The following DNAAF5 variants were observed in gnomAD, a reference collection of about 807,000 sequenced individuals.
DNAAF5 encodes the protein dynein axonemal assembly factor 5.
In DNAAF5, 64 loss-of-function variants were observed where a neutral mutation model predicts 75.8. The observed-to-expected ratio is 0.84, with a 90% CI of 0.69 to 1.04. The LOEUF (loss-of-function observed/expected upper bound fraction) is 1.04. Among genes scored for constraint, DNAAF5 ranks in the 50% least tolerant of loss-of-function variants. The pLI is 0.00. For missense variants in DNAAF5, 1,269 were observed against 1,178.5 expected, an observed-to-expected ratio of 1.08 and a Z score of -1.12; for synonymous variants, 657 against 557.2, an observed-to-expected ratio of 1.18 and a Z score of -2.52.
At position 770,602 on chromosome 7, in the gene DNAAF5, A is replaced by C. The variant is rs773958816; in HGVS notation, c.1915A>C (p.Thr639Pro). The change falls in exon 9 of 13, where the codon ACC becomes CCC. Residue 639 changes from threonine (T) to proline (P), a missense_variant. Transcript: ENST00000297440. Reference sequence around the variant, plus strand: ...CACCGTGCTGCTCAGAGCCACGGACACCATCAACTCCCAGGGGTAGGTCCG... The same window carrying C: ...CACCGTGCTGCTCAGAGCCACGGACCCCATCAACTCCCAGGGGTAGGTCCG... ...LSTVLLRATD[T>P]INSQGQFPSY... The C allele has an allele frequency of 6.2e-7, 1 of 1,613,642 alleles. No individual in the cohort carries two copies. The highest frequency in any genetic ancestry group is 1.7e-5 in the Admixed American group (1 of 60,026).
At chr7:732,907 TTTGAGGTCTTAGA>T (rs1256069321) in intron 2 of DNAAF5, among the ~76,000 whole-genome samples, 1 of 152,204 alleles carries the variant, frequency 6.6e-6, no homozygotes, top group African/African-American at 2.4e-5. Context: ...GGTTTCATAG[TTTGAGGTCTTAGA>T]TTGAGGTCTT....
chr7:765,516 C>T (rs1782792795), intron 8 of DNAAF5, among the ~76,000 whole-genome samples: 1 of 152,192 alleles, frequency 6.6e-6, no homozygotes, highest in Non-Finnish European at 1.5e-5. Flanking sequence ...TTTACTGCAG[C>T]TCTGGTGGCT....
chr7:762,030 C>T (rs542350222), intron 7 of DNAAF5, 134 bp downstream of exon 7: 9 of 198,884 alleles, frequency 4.5e-5, no homozygotes, highest in South Asian at 1.5e-4. Context: ...GAGAACCTTG[C>T]GGGTGAGTCC....
At chr7:751,205 A>T (rs568855895) in intron 4 of DNAAF5, among the ~76,000 whole-genome samples, 161 of 152,308 alleles carry the variant, frequency 1.1e-3, no homozygotes, top group Middle Eastern at 3.4e-3. Flanking sequence ...TTTTTACAAA[A>T]TGATGACAGG....
At chr7:779,698 C>T (rs540079140) in intron 11 of DNAAF5, among the ~76,000 whole-genome samples, 42 of 152,310 alleles carry the variant, frequency 2.8e-4, no homozygotes, top group African/African-American at 9.6e-4. Flanking sequence ...GGCTCTGCGC[C>T]TGCAGGACAG....
At chr7:740,982 C>T (rs374059981) in intron 3 of DNAAF5, 39 bp downstream of exon 3, 23 of 1,604,914 alleles carry the variant, frequency 1.4e-5, no homozygotes, top group African/African-American at 1.3e-4. Flanking sequence ...TCTTCCTAAA[C>T]GGTCATGTGT....
At chr7:735,189 G>A (rs982151452) in intron 2 of DNAAF5, among the ~76,000 whole-genome samples, 5 of 151,442 alleles carry the variant, frequency 3.3e-5, no homozygotes, top group Admixed American at 3.3e-4. Context: ...TGGTGTAGCT[G>A]CTCACGGTGT....
chr7:782,079 G>T (rs1258284613), intron 12 of DNAAF5, among the ~76,000 whole-genome samples: 1 of 152,194 alleles, frequency 6.6e-6, no homozygotes. Flanking sequence ...GTTTCCCGGC[G>T]TGGCTACATC....
intron 2 of DNAAF5, among the ~76,000 whole-genome samples, chr7:739,773 CCGGCA>C (rs1387774705): frequency 1.8e-4 from 27 of 152,190 alleles, no homozygotes; most frequent in Admixed American, 8.5e-4. Flanking sequence ...GGGTCCCAGG[CCGGCA>C]GGGGCGGATC....
At chr7:767,562 C>T (rs1267744818) in intron 8 of DNAAF5, among the ~76,000 whole-genome samples, 2 of 152,254 alleles carry the variant, frequency 1.3e-5, no homozygotes, top group Admixed American at 6.5e-5. Flanking sequence ...AAGAAATGCT[C>T]TGGCAACCAT....
In DNAAF5 at chr7:727,152, G is replaced by A; in HGVS notation, c.432G>A (p.Ala144=). 1.6e-6 allele frequency: 2 copies of A among 1,273,120 alleles called. No individual in the cohort carries two copies. Among genetic ancestry groups the A allele is most frequent in the Non-Finnish European group, 9.9e-7 (1 of 1,006,248 alleles). 78.9% of individuals were successfully genotyped at this position (1,273,120 alleles called of 1,614,324 possible). A position where few individuals can be genotyped will look rare whatever the true frequency, so the allele number is the denominator to read the frequency against. Residue 144 remains alanine (A), a synonymous_variant, in exon 1 of 13, where the codon GCG becomes GCA. Coordinates refer to ENST00000297440, the MANE Select transcript of DNAAF5 (RefSeq NM_017802.4). ...AGGCCTGTGAGGAGCTGCGCCTGGC[G>A]CTTGTGCAGCTGCTGGGCCTGGCCG... is the stretch of plus-strand genomic sequence containing the variant. The part of the protein sequence containing the change: ...PPEACEELRL[A]LVQLLGLAVD...
At chr7:736,585 A>G (rs1781746444) in intron 2 of DNAAF5, among the ~76,000 whole-genome samples, 1 of 152,036 alleles carries the variant, frequency 6.6e-6, no homozygotes, top group Non-Finnish European at 1.5e-5. Context: ...TTTTCAGCCT[A>G]CGTGTGCCTT....
rs530094297 is a variant in DNAAF5, at chr7:743,063, C to A, written c.1024+1598C>A. Among the ~76,000 whole-genome samples, 342 of 152,328 alleles carry A rather than the reference C, an allele frequency of 2.2e-3. 2 individuals carry two copies. The highest frequency in any genetic ancestry group is 7.7e-3 in the African/African-American group (321 of 41,570). On this transcript the variant is annotated intron_variant, in intron 4 of 12. Coordinates refer to ENST00000297440, the MANE Select transcript of DNAAF5 (RefSeq NM_017802.4). ...GGAGGGAAATGTATTCCGTCAAATA[C>A]AGCATTAAAGTAGCTTCTTGGCCGG... is the stretch of plus-strand genomic sequence containing the variant.
chr7:734,165 C>G (rs73049879), intron 2 of DNAAF5, among the ~76,000 whole-genome samples: 1 of 152,132 alleles, frequency 6.6e-6, no homozygotes, highest in East Asian at 1.9e-4. Flanking sequence ...AAGCGAGCAT[C>G]CTTGTCTTGC....
At chr7:752,905 T>C (rs149319591) in intron 4 of DNAAF5, among the ~76,000 whole-genome samples, 1 of 152,212 alleles carries the variant, frequency 6.6e-6, no homozygotes, top group Non-Finnish European at 1.5e-5. Flanking sequence ...AGAAAACAAT[T>C]TGGAAAGACC....
At chr7:773,882 A>G (rs561967637) in intron 9 of DNAAF5, among the ~76,000 whole-genome samples, 166 bp from the exon 10 acceptor site, 6 of 152,240 alleles carry the variant, frequency 3.9e-5, no homozygotes, top group East Asian at 3.9e-4. Flanking sequence ...GAACCTCCCA[A>G]TTCGCACTGA....
At chr7:757,653 A>G (rs529528731) in intron 6 of DNAAF5, among the ~76,000 whole-genome samples, 1 of 152,392 alleles carries the variant, frequency 6.6e-6, no homozygotes, top group Non-Finnish European at 1.5e-5. Flanking sequence ...ATTGTTTGGA[A>G]TAATCCATAG....
rs766158599 is a variant in DNAAF5, at chr7:729,802, C to T, written c.735C>T (p.Asp245=). ...TTGGCAACGGGAAGTCCGTGGACGA[C>T]GTGCTTTCCCATTTTGCTCAGCGAC... ...IHFGNGKSVD[D]VLSHFAQRLF... is the part of the protein sequence containing the mutation. Residue 245 remains aspartate (D), a synonymous_variant, in exon 2 of 13, where the codon GAC becomes GAT. Coordinates refer to ENST00000297440, the MANE Select transcript of DNAAF5 (RefSeq NM_017802.4). 1.5e-5 allele frequency: 25 copies of T among 1,614,112 alleles called. No homozygotes were observed. The highest frequency in any genetic ancestry group is 1.7e-5 in the Admixed American group (1 of 60,002).
At position 756,803 on chromosome 7, in the gene DNAAF5, G is replaced by A. The variant is rs372983996; in HGVS notation, c.1279G>A (p.Val427Ile). The A allele has an allele frequency of 6.2e-6, 10 of 1,613,766 alleles. No homozygotes were observed. In the Admixed American group the frequency reaches 6.7e-5, roughly 11 times the overall value. Residue 427 changes from valine to isoleucine, a missense_variant, in exon 6 of 13, where the codon GTC becomes ATC. Physicochemically the swap from Val to Ile is conservative, Grantham distance 29. Coordinates refer to ENST00000297440, the MANE Select transcript of DNAAF5 (RefSeq NM_017802.4). ...VQSCTRSAEL[V>I]GTFVSPEVFL... is the part of the protein sequence containing the mutation. ...GCAGTGTACCAGATCCGCAGAGCTCGTCGGGACGTTTGTCAGCCCTGAGGT... is the reference window on the plus strand; with the variant it reads ...GCAGTGTACCAGATCCGCAGAGCTCATCGGGACGTTTGTCAGCCCTGAGGT...
Sources: gnomAD v4.1 joint callset for allele counts (sites outside exome capture counted in the v4.1 genomes callset) on GRCh38, gnomAD v4.1.1 for gene constraint, MANE v1.5 for transcripts, NCBI Gene and HGNC (gene_info 2026-07-23, HGNC 2026-07-21) for gene names.